The following PTGIS variants were observed in gnomAD, a reference collection of about 807,000 sequenced individuals.
PTGIS encodes the protein prostacyclin synthase.
Under a neutral mutation model 50.3 loss-of-function variants are expected in PTGIS, and 45 were observed. The ratio of observed to expected loss-of-function variants is 0.90; its 90% CI spans 0.70 to 1.15. PTGIS has a LOEUF of 1.15. Ranked by LOEUF, PTGIS falls within the 50% of genes most tolerant of loss-of-function variation. The pLI, the probability that PTGIS is intolerant of heterozygous loss-of-function variation, is 0.00. For missense variants in PTGIS, 668 were observed against 661.3 expected, an observed-to-expected ratio of 1.01 and a Z score of -0.11; for synonymous variants, 260 against 267.7, an observed-to-expected ratio of 0.97 and a Z score of 0.28.
At chr20:49,525,955 T>A (rs1450288676) in intron 5 of PTGIS, among the ~76,000 whole-genome samples, 1 of 152,224 alleles carries the variant, frequency 6.6e-6, no homozygotes, top group Non-Finnish European at 1.5e-5. Context: ...ACGCTGAATA[T>A]GTTTAACTTT....
chr20:49,521,639 A>G (rs1216162183), intron 6 of PTGIS, among the ~76,000 whole-genome samples: 1 of 152,224 alleles, frequency 6.6e-6, no homozygotes, highest in Non-Finnish European at 1.5e-5. Context: ...AATTGATCCC[A>G]GTCCCCACCC....
At chr20:49,558,992 C>T (rs6125670) in intron 1 of PTGIS, among the ~76,000 whole-genome samples, 74,692 of 151,770 alleles carry the variant, frequency 0.49, 19,869 homozygotes, top group East Asian at 0.67. Flanking sequence ...GGATTAGAGG[C>T]GTGAACCACC....
intron 3 of PTGIS, 73 bp downstream of exon 3, chr20:49,547,768 T>A (rs1161657619): frequency 1.3e-6 from 2 of 1,513,436 alleles, no homozygotes; most frequent in East Asian, 2.3e-5. Context: ...GAACCAAGAA[T>A]AACTTGGGCC....
intron 1 of PTGIS, among the ~76,000 whole-genome samples, chr20:49,563,559 T>C (rs796997503): frequency 2.6e-5 from 4 of 152,302 alleles, no homozygotes; most frequent in African/African-American, 9.6e-5. Context: ...CAGGAAAGTA[T>C]TGCTAGATCT....
chr20:49,512,665 T>C (rs1486325845), intron 8 of PTGIS, among the ~76,000 whole-genome samples: 1 of 152,160 alleles, frequency 6.6e-6, no homozygotes, highest in Non-Finnish European at 1.5e-5. Context: ...TATAACAATC[T>C]GAAATAAGGA....
At chr20:49,541,730 T>C (rs1388954421) in intron 4 of PTGIS, among the ~76,000 whole-genome samples, 2 of 151,892 alleles carry the variant, frequency 1.3e-5, no homozygotes, top group African/African-American at 4.8e-5. Context: ...CGAAACTTTG[T>C]CTTTAAAATA....
chr20:49,508,711 CTG>C lies in PTGIS; in HGVS notation c.1359-649_1359-648del, dbSNP rs139960280. Among the ~76,000 whole-genome samples, 399 of 152,348 alleles carry C rather than the reference CTG, an allele frequency of 2.6e-3. 1 individual carries two copies. Among genetic ancestry groups the C allele is most frequent in the Middle Eastern group, 0.014 (4 of 294 alleles). On this transcript the variant is annotated intron_variant, in intron 9 of 9. Coordinates refer to ENST00000244043, the MANE Select transcript of PTGIS (RefSeq NM_000961.4). ...CTCTCAAGACATTTTACTGCCATCTCTGAGAAAATTGTCCTAAATAGACCAAC... is the reference window on the plus strand; with the variant it reads ...CTCTCAAGACATTTTACTGCCATCTCAGAAAATTGTCCTAAATAGACCAAC...
At chr20:49,533,526 AAGAAT>A (rs1981988934) in intron 5 of PTGIS, among the ~76,000 whole-genome samples, 1 of 152,132 alleles carries the variant, frequency 6.6e-6, no homozygotes, top group Non-Finnish European at 1.5e-5. Context: ...AAAGTGAAGG[AAGAAT>A]AATGTATGCA....
At chr20:49,536,095 C>A (rs891135111) in intron 5 of PTGIS, among the ~76,000 whole-genome samples, 4 of 152,154 alleles carry the variant, frequency 2.6e-5, no homozygotes. Flanking sequence ...ATAACAGATA[C>A]AATTTTTCTT....
At chr20:49,559,121 A>G (rs1386210622) in intron 1 of PTGIS, among the ~76,000 whole-genome samples, 1 of 152,200 alleles carries the variant, frequency 6.6e-6, no homozygotes, top group Non-Finnish European at 1.5e-5. Context: ...TAACAGACCC[A>G]GGAAACATCC....
At chr20:49,535,009 A>G (rs1982034496) in intron 5 of PTGIS, among the ~76,000 whole-genome samples, 1 of 152,144 alleles carries the variant, frequency 6.6e-6, no homozygotes, top group African/African-American at 2.4e-5. Flanking sequence ...CTGTTTCAAA[A>G]CAACAAAAAA....
At position 49,524,110 on chromosome 20, in the gene PTGIS, A is replaced by C; in HGVS notation, c.803T>G (p.Val268Gly). The C allele has an allele frequency of 6.2e-7, 1 of 1,614,088 alleles. No homozygotes were observed. The highest frequency in any genetic ancestry group is 8.5e-7 in the Non-Finnish European group (1 of 1,180,014). Reference sequence around the variant, plus strand: ...GGCCCGTGCCTGCATCTCCTCTGACACACCCATCTCCTCCAGGTGCAGCAG... The same window carrying C: ...GGCCCGTGCCTGCATCTCCTCTGACCCACCCATCTCCTCCAGGTGCAGCAG... ...SYLLHLEEMG[V>G]SEEMQARALV... Residue 268 changes from valine to glycine, a missense_variant, in exon 6 of 10, where the codon GTG becomes GGG. Physicochemically the swap from Val to Gly is moderately radical, Grantham distance 109. Coordinates refer to ENST00000244043, the MANE Select transcript of PTGIS (RefSeq NM_000961.4).
rs756905175 is a variant in PTGIS, at chr20:49,524,174, C to A, written c.739G>T (p.Ala247Ser). The change falls in exon 6 of 10, where the codon GCC (alanine) becomes TCC (serine). Residue 247 changes from alanine to serine, a missense_variant. Ala to Ser is a moderately conservative substitution (Grantham distance 99). Coordinates refer to ENST00000244043, the MANE Select transcript of PTGIS (RefSeq NM_000961.4). Reference sequence around the variant, plus strand: ...CATTTGCTCCGGTGGGCCCGCCTGGCCAGCCTGGCTGGGGATAGCAGCTTC... The same window carrying A: ...CATTTGCTCCGGTGGGCCCGCCTGGACAGCCTGGCTGGGGATAGCAGCTTC... Reference protein sequence around the residue: ...LWKLLSPARLARRAHRSKWLE... With the variant: ...LWKLLSPARLSRRAHRSKWLE... 31 of 1,614,058 alleles carry A rather than the reference C, an allele frequency of 1.9e-5. No individual in the cohort carries two copies. Among genetic ancestry groups the A allele is most frequent in the Non-Finnish European group, 2.4e-5 (28 of 1,180,038 alleles).
intron 1 of PTGIS, among the ~76,000 whole-genome samples, chr20:49,563,633 C>T (rs1451486148): frequency 6.6e-6 from 1 of 152,184 alleles, no homozygotes; most frequent in Non-Finnish European, 1.5e-5. Flanking sequence ...AATTTTCTCC[C>T]CATGTCCCAC....
intron 1 of PTGIS, among the ~76,000 whole-genome samples, chr20:49,554,270 A>G (rs889373054): frequency 6.6e-6 from 1 of 152,194 alleles, no homozygotes; most frequent in Non-Finnish European, 1.5e-5. Flanking sequence ...AAAATGCTTT[A>G]TCATAAAGGT....
At chr20:49,553,485 T>C (rs1264146249) in intron 1 of PTGIS, among the ~76,000 whole-genome samples, 1 of 151,956 alleles carries the variant, frequency 6.6e-6, no homozygotes, top group African/African-American at 2.4e-5. Context: ...TTTTAAAAAA[T>C]TAATTAGGTA....
chr20:49,545,543 G>A (rs548772519), intron 3 of PTGIS, among the ~76,000 whole-genome samples: 8 of 152,292 alleles, frequency 5.3e-5, no homozygotes, highest in South Asian at 2.1e-4. Flanking sequence ...GAGAGGCCCC[G>A]TCTGGAAGAG....
At position 49,512,651 on chromosome 20, in the gene PTGIS, A is replaced by C. The variant is rs1481162606; in HGVS notation, c.1206+429T>G. Among the ~76,000 whole-genome samples, 3 of 152,318 alleles carry C rather than the reference A, an allele frequency of 2.0e-5. No individual in the cohort carries two copies. In the East Asian group the frequency reaches 5.8e-4, roughly 29 times the overall value. On this transcript the variant is annotated intron_variant, in intron 8 of 9. Transcript: ENST00000244043. Reference sequence around the variant, plus strand: ...GCAAGGCAAAAGTGTTGAGAAACTGACATTATAACAATCTGAAATAAGGAA... The same window carrying C: ...GCAAGGCAAAAGTGTTGAGAAACTGCCATTATAACAATCTGAAATAAGGAA...
chr20:49,519,441 C>A (rs559465482), intron 6 of PTGIS, among the ~76,000 whole-genome samples: 1 of 152,164 alleles, frequency 6.6e-6, no homozygotes, highest in African/African-American at 2.4e-5. Flanking sequence ...TTTTCAGCCT[C>A]TCTGCAGCAT....
Sources: allele counts gnomAD v4.1 joint callset (sites outside exome capture counted in the v4.1 genomes callset), GRCh38; gene constraint gnomAD v4.1.1; transcripts MANE v1.5; gene names NCBI Gene and HGNC (gene_info 2026-07-23, HGNC 2026-07-21).